HEPACAM2: variants seen among roughly 807,000 people sequenced by gnomAD.
HEPACAM2 encodes HEPACAM family member 2.
Under a neutral mutation model 49.6 loss-of-function variants are expected in HEPACAM2, and 49 were observed. The ratio of observed to expected loss-of-function variants is 0.99; its 90% CI spans 0.78 to 1.25. The LOEUF (loss-of-function observed/expected upper bound fraction) is 1.25. HEPACAM2 is among the 50% of genes most tolerant of loss of function. The pLI, the probability that HEPACAM2 is intolerant of heterozygous loss-of-function variation, is 0.00. For synonymous variants in HEPACAM2, 197 were observed against 202.9 expected, an observed-to-expected ratio of 0.97 and a Z score of 0.25; for missense variants, 525 against 557.2, an observed-to-expected ratio of 0.94 and a Z score of 0.58.
At chr7:93,230,226 T>C (rs1452487032), upstream of HEPACAM2, among the ~76,000 whole-genome samples, 2 of 152,178 alleles carry the variant, frequency 1.3e-5, no homozygotes, top group Non-Finnish European at 2.9e-5. Context: ...CTTTGTGTAT[T>C]TGAGTATGTG....
rs1232642177 is a variant in HEPACAM2, at chr7:93,189,024, C to T, written c.*243G>A. 4 of 476,330 alleles carry T rather than the reference C, an allele frequency of 8.4e-6. No individual in the cohort carries two copies. The highest frequency in any genetic ancestry group is 4.2e-5 in the South Asian group (1 of 23,668). 29.5% of individuals were successfully genotyped at this position (476,330 alleles called of 1,614,324 possible). ...TTCGTTCTCCCCGTCAGCATGAGAA[C>T]GACTCTCCACTGAGGAATATTTCCC... On this transcript the variant is annotated 3_prime_UTR_variant, in exon 10 of 10. Coordinates refer to ENST00000394468, the MANE Select transcript of HEPACAM2 (RefSeq NM_001039372.4).
intron 9 of HEPACAM2, among the ~76,000 whole-genome samples, chr7:93,190,816 C>G (rs534821503): frequency 4.9e-5 from 7 of 141,832 alleles, no homozygotes; most frequent in Non-Finnish European, 8.0e-5. Context: ...ACAACCCAAT[C>G]AGTTTATTTT....
intron 1 of HEPACAM2, among the ~76,000 whole-genome samples, chr7:93,220,562 C>T (rs1438558643): frequency 6.6e-6 from 1 of 152,128 alleles, no homozygotes; most frequent in Non-Finnish European, 1.5e-5. Context: ...TGGGAGCGTT[C>T]ATTTTGAGAT....
chr7:93,214,263 A>C (rs1293724186), intron 3 of HEPACAM2, among the ~76,000 whole-genome samples: 3 of 152,174 alleles, frequency 2.0e-5, no homozygotes, highest in African/African-American at 7.2e-5. Flanking sequence ...ATAAGATGAG[A>C]TGTTGACCAA....
chr7:93,211,393 T>C (rs1193733551), intron 3 of HEPACAM2, among the ~76,000 whole-genome samples: 1 of 152,012 alleles, frequency 6.6e-6, no homozygotes, highest in African/African-American at 2.4e-5. Flanking sequence ...GTTCTCTCAT[T>C]TCAGGCTGTG....
At chr7:93,208,317 C>T (rs1794080929) in intron 4 of HEPACAM2, among the ~76,000 whole-genome samples, 2 of 151,984 alleles carry the variant, frequency 1.3e-5, no homozygotes, top group Non-Finnish European at 1.5e-5. Context: ...AGTAAGAGTG[C>T]ACATTTAGAA....
chr7:93,208,495 T>C (rs1794085749), intron 4 of HEPACAM2, 85 bp downstream of exon 4: 1 of 1,119,626 alleles, frequency 8.9e-7, no homozygotes, highest in African/African-American at 1.6e-5. Flanking sequence ...GATTTTCTTT[T>C]CTACCTAGGT....
upstream of HEPACAM2, among the ~76,000 whole-genome samples, chr7:93,229,999 T>C (rs1444744794): frequency 6.6e-6 from 1 of 152,214 alleles, no homozygotes; most frequent in Non-Finnish European, 1.5e-5. Flanking sequence ...ATTATAGTTA[T>C]AGCCTTAAAA....
rs777722446 is a variant in HEPACAM2 at position 93,208,673 on chromosome 7, C to T, written c.919G>A (p.Ala307Thr). Residue 307 changes from alanine to threonine, a missense_variant, in exon 4 of 10, where the codon GCC (alanine) becomes ACC (threonine). Ala to Thr is a moderately conservative substitution (Grantham distance 58). Transcript: ENST00000394468. The stretch of plus-strand genomic sequence containing the variant: ...CACACATAGTCCATTGTCTTCTGGG[C>T]TACTTTCTCAGATGCAACTTCTAAG... The part of the protein sequence containing the change: ...PRLEVASEKV[A>T]QKTMDYVCCA... The T allele has an allele frequency of 1.9e-6, 3 of 1,613,164 alleles. No individual in the cohort carries two copies. In the Admixed American group the frequency reaches 5.0e-5, roughly 27 times the overall value.
intron 1 of HEPACAM2, among the ~76,000 whole-genome samples, chr7:93,222,702 C>G (rs1323421757): frequency 6.6e-6 from 1 of 152,078 alleles, no homozygotes; most frequent in East Asian, 1.9e-4. Context: ...TCAGTTTTCT[C>G]ATGTGTGAAT....
chr7:93,210,676 A>C (rs1341919479), intron 3 of HEPACAM2, among the ~76,000 whole-genome samples: 1 of 151,948 alleles, frequency 6.6e-6, no homozygotes, highest in Admixed American at 6.6e-5. Flanking sequence ...TACAAACTGG[A>C]TATGGGTATG....
upstream of HEPACAM2, among the ~76,000 whole-genome samples, chr7:93,230,346 G>T (rs1371517815): frequency 1.3e-5 from 2 of 152,150 alleles, no homozygotes; most frequent in Non-Finnish European, 2.9e-5. Flanking sequence ...TTACAGCATG[G>T]ATTTGACATG....
intron 3 of HEPACAM2, among the ~76,000 whole-genome samples, chr7:93,213,218 T>C (rs1042310893): frequency 2.8e-4 from 43 of 152,142 alleles, no homozygotes; most frequent in Middle Eastern, 6.8e-3. Flanking sequence ...TACTGGGTTA[T>C]TATTTACAAC....
upstream of HEPACAM2, among the ~76,000 whole-genome samples, chr7:93,228,657 A>T (rs1169189484): frequency 6.6e-6 from 1 of 152,206 alleles, no homozygotes; most frequent in Non-Finnish European, 1.5e-5. Context: ...TTATCATTCC[A>T]GTCAGGAAAA....
chr7:93,191,735 T>C (rs978198761), intron 9 of HEPACAM2, among the ~76,000 whole-genome samples: 5 of 152,052 alleles, frequency 3.3e-5, no homozygotes, highest in African/African-American at 1.2e-4. Context: ...CCTCTATGGG[T>C]GAGAGGCCAG....
At chr7:93,200,304 A>G (rs567550652) in intron 4 of HEPACAM2, among the ~76,000 whole-genome samples, 7 of 152,000 alleles carry the variant, frequency 4.6e-5, no homozygotes, top group Non-Finnish European at 1.0e-4. Flanking sequence ...TTTTATGTAC[A>G]TTATCTTATA....
At chr7:93,220,323 A>G (rs1349746366) in intron 1 of HEPACAM2, among the ~76,000 whole-genome samples, 2 of 152,212 alleles carry the variant, frequency 1.3e-5, no homozygotes, top group Non-Finnish European at 2.9e-5. Flanking sequence ...CTGCAATGTA[A>G]TAGGCCAGAG....
intron 2 of HEPACAM2, among the ~76,000 whole-genome samples, chr7:93,217,722 C>T (rs1177716895): frequency 1.3e-5 from 2 of 151,982 alleles, no homozygotes; most frequent in East Asian, 3.9e-4. Flanking sequence ...CTCCTAGGGA[C>T]CTCATATTCT....
chr7:93,204,325 T>TCTAC (rs1793971053), intron 4 of HEPACAM2, among the ~76,000 whole-genome samples: 2 of 18,638 alleles, frequency 1.1e-4, no homozygotes, highest in South Asian at 1.5e-3. Flanking sequence ...ATAAACATTC[T>TCTAC]CTATCTATCT....
Sources: allele counts gnomAD v4.1 joint callset (sites outside exome capture counted in the v4.1 genomes callset), GRCh38; gene constraint gnomAD v4.1.1; transcripts MANE v1.5; gene names NCBI Gene and HGNC (gene_info 2026-07-23, HGNC 2026-07-21).